Variants in DCAF1 observed in about 807,000 individuals in gnomAD.
DCAF1 encodes the protein DDB1- and CUL4-associated factor 1.
Under a neutral mutation model 128.0 loss-of-function variants are expected in DCAF1, and 15 were observed. The ratio of observed to expected loss-of-function variants is 0.12; its 90% CI spans 0.08 to 0.18. The LOEUF is 0.18. DCAF1 is among the 10% of genes least tolerant of loss of function. The pLI, the probability that DCAF1 is intolerant of heterozygous loss-of-function variation, is 1.00. For missense variants in DCAF1, 988 were observed against 1,649.5 expected, an observed-to-expected ratio of 0.60 and a Z score of 6.95; for synonymous variants, 610 against 603.0, an observed-to-expected ratio of 1.01 and a Z score of -0.17.
At chr3:51,406,624 T>C (rs1487091908) in intron 23 of DCAF1, among the ~76,000 whole-genome samples, 1 of 152,118 alleles carries the variant, frequency 6.6e-6, no homozygotes, top group African/African-American at 2.4e-5. Context: ...ACTCACCCCT[T>C]TCCTTTACAG....
At chr3:51,438,395 G>C (rs571238433) in intron 9 of DCAF1, among the ~76,000 whole-genome samples, 29 of 151,994 alleles carry the variant, frequency 1.9e-4, no homozygotes, top group Non-Finnish European at 3.7e-4. Flanking sequence ...AAACGGCATA[G>C]GTATCTCACA....
intron 6 of DCAF1, among the ~76,000 whole-genome samples, chr3:51,453,233 C>G (rs894511871): frequency 6.6e-6 from 1 of 152,090 alleles, no homozygotes. Context: ...CTCTAAAATA[C>G]TTTCTGTGGC....
downstream of DCAF1, chr3:51,396,145 T>A (rs1448081203): frequency 5.0e-6 from 2 of 399,150 alleles, no homozygotes; most frequent in Admixed American, 4.5e-5. Flanking sequence ...CTATCTTCCT[T>A]CATGAAGCAG....
At chr3:51,396,913 C>T (rs74713005), downstream of DCAF1, 1,120 of 167,040 alleles carry the variant, frequency 6.7e-3, 7 homozygotes, top group Non-Finnish European at 0.012. Flanking sequence ...TAAGTGTTTA[C>T]TACCATTAAA....
rs1259041151 is a variant in DCAF1 at position 51,483,845 on chromosome 3, G to A, written c.-8-9C>T. On this transcript the variant is annotated splice_polypyrimidine_tract_variant and intron_variant, in intron 2 of 24. Transcript: ENST00000684031. ...TGTAGTCATGGCTTTGCCTAAGGAAGCAAAAATAAAAATAAAAAAGACAAC... is the reference window on the plus strand; with the variant it reads ...TGTAGTCATGGCTTTGCCTAAGGAAACAAAAATAAAAATAAAAAAGACAAC... 1 of 1,577,922 alleles carries A rather than the reference G, an allele frequency of 6.3e-7. No homozygotes were observed.
intron 3 of DCAF1, among the ~76,000 whole-genome samples, chr3:51,471,728 G>A (rs1386689229): frequency 2.6e-5 from 4 of 151,878 alleles, no homozygotes; most frequent in Non-Finnish European, 4.4e-5. Flanking sequence ...TTAGCTGGGC[G>A]TGGTGGCACA....
intron 5 of DCAF1, among the ~76,000 whole-genome samples, 200 bp downstream of exon 5, chr3:51,466,603 G>A (rs915048395): frequency 4.6e-5 from 7 of 152,168 alleles, no homozygotes; most frequent in African/African-American, 1.4e-4. Context: ...AAGAATGAGC[G>A]TAGATACCTT....
upstream of DCAF1, among the ~76,000 whole-genome samples, chr3:51,504,597 C>A (rs1708898755): frequency 6.6e-6 from 1 of 152,178 alleles, no homozygotes; most frequent in Non-Finnish European, 1.5e-5. Context: ...ATCCACCCAC[C>A]TTGGCCTCTC....
At chr3:51,478,531 TCTC>T (rs1254479704) in intron 3 of DCAF1, among the ~76,000 whole-genome samples, 3 of 152,040 alleles carry the variant, frequency 2.0e-5, no homozygotes, top group African/African-American at 4.8e-5. Flanking sequence ...CATTAATGAC[TCTC>T]CTCCTTTCAC....
chr3:51,491,160 C>T (rs1438557703), intron 2 of DCAF1, among the ~76,000 whole-genome samples: 4 of 151,468 alleles, frequency 2.6e-5, no homozygotes, highest in African/African-American at 9.7e-5. Flanking sequence ...CCATTCTGGC[C>T]AATATGGTGA....
chr3:51,485,120 G>A (rs1370000055), intron 2 of DCAF1, among the ~76,000 whole-genome samples: 1 of 152,132 alleles, frequency 6.6e-6, no homozygotes, highest in Non-Finnish European at 1.5e-5. Flanking sequence ...TCACCATGTT[G>A]GTCAGGCTGA....
intron 9 of DCAF1, among the ~76,000 whole-genome samples, chr3:51,433,997 G>A (rs1008066068): frequency 3.3e-5 from 5 of 151,198 alleles, no homozygotes; most frequent in African/African-American, 9.7e-5. Flanking sequence ...CAGGAGGATC[G>A]CCTGAACCCG....
rs563234130 is a variant in DCAF1, at chr3:51,441,843, G to A, written c.568C>T (p.Arg190Trp). Residue 190 changes from arginine (R) to tryptophan (W), a missense_variant, in exon 8 of 25, where the codon CGG (arginine) becomes TGG (tryptophan). Physicochemically the swap from Arg to Trp is moderately radical, Grantham distance 101 (BLOSUM62 -3). Coordinates refer to ENST00000684031, the MANE Select transcript of DCAF1 (RefSeq NM_001387579.1). ...GGACTGGGACGCTTGTTTTCCTGCC[G>A]CAAAGCCACTTCCTGTAGCTGTAGC... Reference protein sequence around the residue: ...RELQLQEVALRQENKRPSPRK... With the variant: ...RELQLQEVALWQENKRPSPRK... The A allele has an allele frequency of 3.8e-5, 61 of 1,612,750 alleles. No homozygotes were observed. The highest frequency in any genetic ancestry group is 1.9e-4 in the South Asian group (17 of 91,070).
intron 6 of DCAF1, among the ~76,000 whole-genome samples, chr3:51,450,814 T>C (rs531636158): frequency 1.3e-5 from 2 of 152,196 alleles, no homozygotes; most frequent in African/African-American, 4.8e-5. Context: ...CTATTAAACA[T>C]AGTACTGGAA....
chr3:51,475,611 C>T (rs1445693077), intron 3 of DCAF1, among the ~76,000 whole-genome samples: 1 of 152,220 alleles, frequency 6.6e-6, no homozygotes, highest in Non-Finnish European at 1.5e-5. Context: ...CCCGTAATCC[C>T]AGCACTTTGG....
At chr3:51,451,627 T>C (rs1247720952) in intron 6 of DCAF1, among the ~76,000 whole-genome samples, 1 of 152,062 alleles carries the variant, frequency 6.6e-6, no homozygotes, top group Non-Finnish European at 1.5e-5. Flanking sequence ...CTGGGCATGG[T>C]GGCAGGTGCA....
chr3:51,501,739 T>C (rs1553664371), upstream of DCAF1, among the ~76,000 whole-genome samples: 1 of 152,150 alleles, frequency 6.6e-6, no homozygotes, highest in Non-Finnish European at 1.5e-5. Context: ...CACAGACATG[T>C]CACCTTTCTT....
At chr3:51,437,686 G>C (rs939830383) in intron 9 of DCAF1, among the ~76,000 whole-genome samples, 10 of 151,830 alleles carry the variant, frequency 6.6e-5, no homozygotes, top group Non-Finnish European at 1.5e-4. Flanking sequence ...AGGGTGGTGC[G>C]CACCTGCAGT....
At chr3:51,437,045 T>G (rs1172907827) in intron 9 of DCAF1, among the ~76,000 whole-genome samples, 4 of 151,620 alleles carry the variant, frequency 2.6e-5, no homozygotes, top group Non-Finnish European at 5.9e-5. Context: ...GGCGGATCCC[T>G]TGAGGTCAGG....
Sources: gnomAD v4.1 joint callset for allele counts (sites outside exome capture counted in the v4.1 genomes callset) on GRCh38, gnomAD v4.1.1 for gene constraint, MANE v1.5 for transcripts, NCBI Gene and HGNC (gene_info 2026-07-23, HGNC 2026-07-21) for gene names.